The following GRID2 variants were observed in gnomAD, a reference collection of about 807,000 sequenced individuals.
GRID2 encodes the protein glutamate receptor ionotropic, delta-2.
Under a neutral mutation model 114.8 loss-of-function variants are expected in GRID2, and 33 were observed. The observed-to-expected ratio is 0.29, with a 90% CI of 0.22 to 0.38. The LOEUF (loss-of-function observed/expected upper bound fraction) is 0.38. Ranked by LOEUF, GRID2 falls within the 10% of genes least tolerant of loss-of-function variation. The probability of loss-of-function intolerance (pLI) is 1.00; values close to 1 mark genes in which losing one functional copy is unlikely to be tolerated. For missense variants in GRID2, 1,184 were observed against 1,257.7 expected, an observed-to-expected ratio of 0.94 and a Z score of 0.89; for synonymous variants, 505 against 449.9, an observed-to-expected ratio of 1.12 and a Z score of -1.55.
At chr4:93,746,319 A>T (rs1049545218) in intron 14 of GRID2, among the ~76,000 whole-genome samples, 1 of 152,150 alleles carries the variant, frequency 6.6e-6, no homozygotes, top group Non-Finnish European at 1.5e-5. Context: ...ACTGCTCTTA[A>T]TGAGTAGTTC....
chr4:92,544,448 T>C (rs1292805930), intron 1 of GRID2, among the ~76,000 whole-genome samples: 3 of 152,172 alleles, frequency 2.0e-5, no homozygotes, highest in Non-Finnish European at 4.4e-5. Flanking sequence ...ATGTCTTCAA[T>C]GTGGTTGCGC....
At chr4:93,613,941 CT>C (rs1560819779) in intron 13 of GRID2, among the ~76,000 whole-genome samples, 2 of 151,784 alleles carry the variant, frequency 1.3e-5, no homozygotes, top group African/African-American at 4.8e-5. Context: ...TGATCTCAGA[CT>C]GCTGTGCTAG....
At chr4:93,518,603 C>T (rs1487208439) in intron 13 of GRID2, among the ~76,000 whole-genome samples, 2 of 151,880 alleles carry the variant, frequency 1.3e-5, no homozygotes, top group Admixed American at 6.6e-5. Flanking sequence ...AATAAACAAG[C>T]TCTGTGGTAT....
At chr4:92,760,482 T>C (rs1737953507) in intron 2 of GRID2, among the ~76,000 whole-genome samples, 2 of 152,146 alleles carry the variant, frequency 1.3e-5, no homozygotes, top group South Asian at 4.1e-4. Context: ...GAAGGCACAA[T>C]GCCCTCACCA....
intron 3 of GRID2, among the ~76,000 whole-genome samples, chr4:93,105,732 C>A (rs1414085042): frequency 1.3e-5 from 2 of 152,190 alleles, no homozygotes; most frequent in Non-Finnish European, 2.9e-5. Flanking sequence ...TCTGAAGATG[C>A]TGAGTCTCAA....
Position 92,313,157 on chromosome 4 carries a change from A to T in GRID2, c.88+8413A>T, listed in dbSNP as rs142941987. On this transcript the variant is annotated intron_variant, in intron 1 of 15. Transcript: ENST00000282020. ...GGAATACTACTCAGCCATAAAAAAG[A>T]ACGAATTAACAGCATTTGCAATGAC... Among the ~76,000 whole-genome samples the T allele has an allele frequency of 2.2e-4, 34 of 151,944 alleles. No individual in the cohort carries two copies. The East Asian group carries it at 6.4e-3, about 29-fold the overall frequency.
At chr4:93,503,370 A>T (rs1369003538) in intron 12 of GRID2, among the ~76,000 whole-genome samples, 1 of 152,108 alleles carries the variant, frequency 6.6e-6, no homozygotes, top group Non-Finnish European at 1.5e-5. Flanking sequence ...ACATGTGCAC[A>T]ACGTGCAGGT....
rs552565521 is a variant in GRID2, at chr4:93,104,807, C to T, written c.530-5941C>T. ...CTTTATAGCTACATGATTTACAGTC[C>T]TTTGGGTATATACCCAGTAATGGGA... is the stretch of plus-strand genomic sequence containing the variant. On this transcript the variant is annotated intron_variant, in intron 3 of 15. Coordinates refer to ENST00000282020, the MANE Select transcript of GRID2 (RefSeq NM_001510.4). 9.2e-5 allele frequency among the ~76,000 whole-genome samples: 14 copies of T among 152,230 alleles called. No homozygotes were observed. In the South Asian group the frequency reaches 2.9e-3, roughly 32 times the overall value.
chr4:92,947,286 C>T (rs995106374), intron 2 of GRID2, among the ~76,000 whole-genome samples: 1 of 151,946 alleles, frequency 6.6e-6, no homozygotes, highest in African/African-American at 2.4e-5. Context: ...TGTGTATTGT[C>T]TACCTGTATG....
intron 8 of GRID2, among the ~76,000 whole-genome samples, chr4:93,355,298 T>G (rs1761225082): frequency 6.6e-6 from 1 of 151,870 alleles, no homozygotes; most frequent in Non-Finnish European, 1.5e-5. Flanking sequence ...TGATGTCTGC[T>G]GGGATTGCTG....
Position 93,422,793 on chromosome 4 carries a change from C to T in GRID2, c.1370C>T (p.Ser457Phe), listed in dbSNP as rs746487748. ...TVLEEPFVMV[S>F]ENVLGKPKKY... ...TAGGAAGAACCTTTTGTGATGGTCTCTGAAAATGTCTTGGGTAAGCCGAAG... is the reference window on the plus strand; with the variant it reads ...TAGGAAGAACCTTTTGTGATGGTCTTTGAAAATGTCTTGGGTAAGCCGAAG... Residue 457 changes from serine to phenylalanine, a missense_variant, in exon 10 of 16, where the codon TCT becomes TTT. Ser to Phe is a radical substitution (Grantham distance 155, BLOSUM62 -2). Coordinates refer to ENST00000282020, the MANE Select transcript of GRID2 (RefSeq NM_001510.4). The T allele has an allele frequency of 1.1e-5, 18 of 1,612,964 alleles. No homozygotes were observed. The highest frequency in any genetic ancestry group is 3.3e-5 in the Admixed American group (2 of 59,992).
At chr4:93,770,673 G>A (rs1390286473) in intron 15 of GRID2, among the ~76,000 whole-genome samples, 1 of 152,080 alleles carries the variant, frequency 6.6e-6, no homozygotes, top group East Asian at 1.9e-4. Context: ...TAAGCTTCTG[G>A]TATCTCCGTT....
At chr4:93,019,817 A>G (rs553083930) in intron 2 of GRID2, among the ~76,000 whole-genome samples, 8 of 152,210 alleles carry the variant, frequency 5.3e-5, no homozygotes, top group Non-Finnish European at 1.0e-4. Flanking sequence ...ATTAAAGGGT[A>G]ACACATTGTA....
At chr4:93,605,784 C>A (rs770071030) in intron 13 of GRID2, among the ~76,000 whole-genome samples, 9 of 152,090 alleles carry the variant, frequency 5.9e-5, no homozygotes, top group Non-Finnish European at 1.2e-4. Flanking sequence ...TGGCATAGAA[C>A]AAAGTCAAAA....
At chr4:93,219,568 A>G (rs1744637881) in intron 6 of GRID2, among the ~76,000 whole-genome samples, 1 of 152,190 alleles carries the variant, frequency 6.6e-6, no homozygotes, top group Admixed American at 6.6e-5. Flanking sequence ...ACCTATTTTA[A>G]TATACATAGA....
chr4:93,325,946 G>A (rs907280585), intron 8 of GRID2, among the ~76,000 whole-genome samples: 8 of 152,094 alleles, frequency 5.3e-5, no homozygotes, highest in Admixed American at 2.0e-4. Context: ...GATACATTTT[G>A]TGTTACTCCT....
intron 4 of GRID2, among the ~76,000 whole-genome samples, chr4:93,170,974 T>TG (rs1036592431): frequency 2.0e-5 from 3 of 152,162 alleles, no homozygotes; most frequent in African/African-American, 7.2e-5. Flanking sequence ...CAAACCATCA[T>TG]GTACTCCTGC....
intron 4 of GRID2, among the ~76,000 whole-genome samples, chr4:93,121,665 TAGCTCAAGGA>T (rs1424731828): frequency 6.6e-6 from 1 of 152,176 alleles, no homozygotes; most frequent in African/African-American, 2.4e-5. Context: ...ATGAAATTGC[TAGCTCAAGGA>T]GTACGCATAA....
chr4:93,558,417 C>T (rs937529228), intron 13 of GRID2, among the ~76,000 whole-genome samples: 3 of 152,094 alleles, frequency 2.0e-5, no homozygotes, highest in Admixed American at 6.5e-5. Flanking sequence ...CACCACTGAT[C>T]CCACAGAAAT....
Sources: allele counts gnomAD v4.1 joint callset (sites outside exome capture counted in the v4.1 genomes callset), GRCh38; gene constraint gnomAD v4.1.1; transcripts MANE v1.5; gene names NCBI Gene and HGNC (gene_info 2026-07-23, HGNC 2026-07-21).